Variants in EPB41L2 observed in about 807,000 individuals in gnomAD.
EPB41L2 encodes the protein band 4.1-like protein 2.
Under a neutral mutation model 113.0 loss-of-function variants are expected in EPB41L2, and 43 were observed. That is an observed-to-expected ratio of 0.38 (90% CI 0.30 to 0.49). The LOEUF is 0.49. Ranked by LOEUF, EPB41L2 falls within the 20% of genes least tolerant of loss-of-function variation. The pLI is 0.95. For missense variants in EPB41L2, 1,147 were observed against 1,223.4 expected (o/e 0.94, Z 0.93); for synonymous variants, 442 against 436.7 (o/e 1.01, Z -0.15).
chr6:130,897,352 T>A (rs1416461990), intron 8 of EPB41L2, among the ~76,000 whole-genome samples: 1 of 152,196 alleles, frequency 6.6e-6, no homozygotes, highest in African/African-American at 2.4e-5. Flanking sequence ...ATCTTGCTTA[T>A]CAAATATTAC....
At chr6:130,846,256 T>A (rs1777016682) in intron 19 of EPB41L2, among the ~76,000 whole-genome samples, 1 of 152,218 alleles carries the variant, frequency 6.6e-6, no homozygotes, top group South Asian at 2.1e-4. Context: ...ACAACATATA[T>A]AGTCTTTCTA....
intron 5 of EPB41L2, among the ~76,000 whole-genome samples, chr6:130,907,397 C>A (rs1798050989): frequency 6.6e-6 from 1 of 152,056 alleles, no homozygotes; most frequent in Admixed American, 6.5e-5. Context: ...ATGAAGCAAG[C>A]ATAAATGGAT....
intron 1 of EPB41L2, among the ~76,000 whole-genome samples, chr6:130,977,176 C>T (rs1307832545): frequency 6.6e-6 from 1 of 152,200 alleles, no homozygotes; most frequent in Non-Finnish European, 1.5e-5. Context: ...ACAAAGTCCA[C>T]TACATACAAA....
chr6:130,865,840 G>C, intron 16 of EPB41L2: 3 of 537,120 alleles, frequency 5.6e-6, no homozygotes, highest in Non-Finnish European at 9.9e-6. Flanking sequence ...AAACTCAACT[G>C]TGTGAGTGGA....
intron 3 of EPB41L2, among the ~76,000 whole-genome samples, chr6:130,946,622 A>T (rs1473606904): frequency 6.6e-6 from 1 of 152,176 alleles, no homozygotes; most frequent in Non-Finnish European, 1.5e-5. Context: ...AGCCATAAAA[A>T]GTAGAGGATG....
At position 130,956,575 on chromosome 6, in the gene EPB41L2, TAAGG is replaced by T. The variant is rs1209651234; in HGVS notation, c.-14-80_-14-77del. 11 of 1,310,834 alleles carry T rather than the reference TAAGG, an allele frequency of 8.4e-6. No individual in the cohort carries two copies. The Admixed American group carries it at 2.6e-4, about 31-fold the overall frequency. The allele number at this position is 1,310,834 out of a possible 1,614,324, so 81.2% of individuals were successfully genotyped here. A position where few individuals can be genotyped will look rare whatever the true frequency, so the allele number is the denominator to read the frequency against. The stretch of plus-strand genomic sequence containing the variant: ...TTTAGTTTGGTTGCGAGGGGCATGG[TAAGG>T]AAAGATGAGAAGAAGAGTAACAGAT... On this transcript the variant is annotated intron_variant, in intron 1 of 19. Transcript: ENST00000337057.
At chr6:130,885,338 C>T (rs1180558668) in intron 11 of EPB41L2, 70 bp from the exon 12 acceptor site, 3 of 1,496,838 alleles carry the variant, frequency 2.0e-6, no homozygotes, top group East Asian at 4.5e-5. Flanking sequence ...AAATTTCCCC[C>T]TTACAGGAGA....
intron 19 of EPB41L2, among the ~76,000 whole-genome samples, chr6:130,844,808 C>T (rs759146277): frequency 5.3e-5 from 8 of 152,132 alleles, no homozygotes; most frequent in Non-Finnish European, 8.8e-5. Context: ...TTTGGGAGGT[C>T]GAGAAGGGCA....
intron 14 of EPB41L2, among the ~76,000 whole-genome samples, chr6:130,873,587 TC>T (rs1380288816): frequency 6.6e-6 from 1 of 151,722 alleles, no homozygotes; most frequent in Non-Finnish European, 1.5e-5. Context: ...TGCCTCAGCC[TC>T]CCCAGTAGCT....
intron 3 of EPB41L2, among the ~76,000 whole-genome samples, chr6:130,949,807 C>T (rs1340465147): frequency 1.3e-5 from 2 of 152,062 alleles, no homozygotes; most frequent in Non-Finnish European, 1.5e-5. Flanking sequence ...TCCTCCTCTT[C>T]CTCAGGCAAT....
chr6:131,036,671 C>G (rs17180867), intron 1 of EPB41L2, among the ~76,000 whole-genome samples: 42,780 of 152,056 alleles, frequency 0.28, 7,112 homozygotes, highest in Non-Finnish European at 0.37. Flanking sequence ...TTATCTCCTC[C>G]AACTATGATT....
At chr6:130,914,727 T>A (rs1417785507) in intron 4 of EPB41L2, among the ~76,000 whole-genome samples, 1 of 152,100 alleles carries the variant, frequency 6.6e-6, no homozygotes, top group African/African-American at 2.4e-5. Flanking sequence ...CTGACCTATA[T>A]CAGATTTCAA....
intron 4 of EPB41L2, among the ~76,000 whole-genome samples, chr6:130,922,991 C>T (rs78310824): frequency 2.0e-5 from 3 of 152,210 alleles, no homozygotes; most frequent in African/African-American, 7.2e-5. Flanking sequence ...AGTTATTGAA[C>T]CTAAAACTCA....
chr6:131,025,986 G>A (rs1562758504), intron 1 of EPB41L2, among the ~76,000 whole-genome samples: 1 of 152,014 alleles, frequency 6.6e-6, no homozygotes. Context: ...ATACCAAACA[G>A]CCCCCAGGTC....
intron 1 of EPB41L2, among the ~76,000 whole-genome samples, chr6:130,957,161 T>A (rs899345688): frequency 4.6e-5 from 7 of 152,094 alleles, no homozygotes; most frequent in Non-Finnish European, 1.0e-4. Context: ...CGAACCTCCA[T>A]CCCACCCAAC....
chr6:130,883,229 A>G (rs1405609055), intron 12 of EPB41L2: 6 of 152,688 alleles, frequency 3.9e-5, no homozygotes, highest in Admixed American at 3.9e-4. Flanking sequence ...AATCAAAGGA[A>G]AAACAGATGC....
chr6:130,894,326 C>G lies in EPB41L2; in HGVS notation c.1487+18G>C, dbSNP rs572837723. ...TGTGCGATCATGCCCGGCTTCCGAG[C>G]TGTTTTCCTAAAATTACCTGTAGAA... On this transcript the variant is annotated intron_variant, in intron 10 of 19. Transcript: ENST00000337057. The G allele has an allele frequency of 1.9e-6, 3 of 1,603,774 alleles. No homozygotes were observed. The South Asian group carries it at 3.3e-5, about 18-fold the overall frequency.
At chr6:130,980,864 C>T (rs1022292863) in intron 1 of EPB41L2, among the ~76,000 whole-genome samples, 4 of 152,090 alleles carry the variant, frequency 2.6e-5, no homozygotes, top group Admixed American at 2.0e-4. Context: ...TTTCTGCTTC[C>T]GTCAGCTCTT....
intron 1 of EPB41L2, among the ~76,000 whole-genome samples, chr6:131,017,689 A>G (rs1403391629): frequency 6.6e-6 from 1 of 152,210 alleles, no homozygotes; most frequent in African/African-American, 2.4e-5. Flanking sequence ...AGGAATCTCA[A>G]GAGTTCATAC....
Sources: allele counts gnomAD v4.1 joint callset (sites outside exome capture counted in the v4.1 genomes callset), GRCh38; gene constraint gnomAD v4.1.1; transcripts MANE v1.5; gene names NCBI Gene and HGNC (gene_info 2026-07-23, HGNC 2026-07-21).